The following MOB1B variants were observed in gnomAD, a reference collection of about 807,000 sequenced individuals.
MOB1B encodes the protein MOB kinase activator 1B.
In MOB1B, 19 loss-of-function variants were observed where a neutral mutation model predicts 24.4. That is an observed-to-expected ratio of 0.78 (90% CI 0.54 to 1.14). MOB1B has a LOEUF of 1.14. MOB1B is among the 50% of genes most tolerant of loss of function. The pLI is 0.00. For synonymous variants in MOB1B, 76 were observed against 82.1 expected (o/e 0.93, Z 0.40); for missense variants, 243 against 259.6 (o/e 0.94, Z 0.44).
At chr4:70,927,911 T>C (rs1736717310) in intron 1 of MOB1B, among the ~76,000 whole-genome samples, 1 of 152,212 alleles carries the variant, frequency 6.6e-6, no homozygotes, top group Non-Finnish European at 1.5e-5. Context: ...CTTCCTGCTC[T>C]AACATCCCTC....
chr4:70,960,363 AAAAT>A (rs1369157993), intron 2 of MOB1B, among the ~76,000 whole-genome samples: 1 of 152,222 alleles, frequency 6.6e-6, no homozygotes, highest in Non-Finnish European at 1.5e-5. Flanking sequence ...ATTAGTGAAA[AAAAT>A]AGTAATAATA....
intron 5 of MOB1B, among the ~76,000 whole-genome samples, chr4:70,981,506 CCATAT>C (rs1739209736): frequency 6.6e-6 from 1 of 152,174 alleles, no homozygotes; most frequent in South Asian, 2.1e-4. Context: ...TATTTTCCTA[CCATAT>C]CTTTTGATAG....
chr4:70,910,697 A>C (rs1344419582), intron 1 of MOB1B, among the ~76,000 whole-genome samples: 1 of 152,074 alleles, frequency 6.6e-6, no homozygotes, highest in African/African-American at 2.4e-5. Flanking sequence ...AAATCACAAA[A>C]TCATGTTAGG....
intron 1 of MOB1B, among the ~76,000 whole-genome samples, chr4:70,939,514 C>T (rs1428206285): frequency 2.6e-5 from 4 of 152,282 alleles, no homozygotes; most frequent in Middle Eastern, 3.4e-3. Context: ...AAAACCCCAT[C>T]TCTACTAAAA....
chr4:70,919,805 CTG>C (rs1268417154), intron 1 of MOB1B, among the ~76,000 whole-genome samples: 1 of 152,258 alleles, frequency 6.6e-6, no homozygotes, highest in African/African-American at 2.4e-5. Context: ...AGCTGTAAAA[CTG>C]TTTCTAGTAG....
intron 1 of MOB1B, among the ~76,000 whole-genome samples, chr4:70,905,428 C>T (rs1052586789): frequency 3.3e-5 from 5 of 149,296 alleles, no homozygotes; most frequent in African/African-American, 4.9e-5. Flanking sequence ...TTTTTTTTTT[C>T]GGTAGAGTCA....
chr4:70,964,544 A>G (rs1738435771), intron 2 of MOB1B, among the ~76,000 whole-genome samples: 1 of 152,218 alleles, frequency 6.6e-6, no homozygotes, highest in Non-Finnish European at 1.5e-5. Context: ...ATAAATACAT[A>G]TATTATAAAA....
chr4:70,955,350 C>T (rs1415885509), intron 1 of MOB1B, among the ~76,000 whole-genome samples: 1 of 151,998 alleles, frequency 6.6e-6, no homozygotes, highest in Non-Finnish European at 1.5e-5. Flanking sequence ...ATATACTTAA[C>T]ACTTTGTCTG....
At chr4:70,976,204 A>G (rs564998681) in intron 4 of MOB1B, 1 of 984,884 alleles carries the variant, frequency 1.0e-6, no homozygotes. Context: ...TGATGAGATC[A>G]GTATATCTAG....
intron 1 of MOB1B, among the ~76,000 whole-genome samples, chr4:70,923,917 A>G (rs1736542903): frequency 7.0e-6 from 1 of 143,842 alleles, no homozygotes; most frequent in Admixed American, 7.2e-5. Flanking sequence ...ACTGCACTCC[A>G]GCCTGGGCAA....
chr4:70,907,854 C>T (rs953468936), intron 1 of MOB1B, among the ~76,000 whole-genome samples: 3 of 151,930 alleles, frequency 2.0e-5, no homozygotes, highest in East Asian at 3.9e-4. Flanking sequence ...CTGTGTTGCC[C>T]GGGCTGTCCT....
chr4:70,953,063 C>T (rs769028266), intron 1 of MOB1B, among the ~76,000 whole-genome samples: 2 of 151,442 alleles, frequency 1.3e-5, no homozygotes, highest in East Asian at 2.0e-4. Context: ...CTGCCTCAGC[C>T]GAGTAGCTGG....
chr4:70,942,804 T>C lies in MOB1B; in HGVS notation c.15-16070T>C, dbSNP rs1264772842. On this transcript the variant is annotated intron_variant, in intron 1 of 5. Coordinates refer to ENST00000309395, the MANE Select transcript of MOB1B (RefSeq NM_173468.4). Reference sequence around the variant, plus strand: ...TCCCTGAATTCCTGTATGCAAAATATTGTGTTTTTTGTCTGTAGAGAGAAG... The same window carrying C: ...TCCCTGAATTCCTGTATGCAAAATACTGTGTTTTTTGTCTGTAGAGAGAAG... The C allele has an allele frequency of 1.4e-5, 13 of 911,060 alleles. No homozygotes were observed. In the South Asian group the frequency reaches 5.1e-4, roughly 35 times the overall value. The allele number at this position is 911,060 out of a possible 1,614,324, so 56.4% of individuals were successfully genotyped here. A position where few individuals can be genotyped will look rare whatever the true frequency, so the allele number is the denominator to read the frequency against.
At position 70,916,594 on chromosome 4, in the gene MOB1B, G is replaced by C. The variant is rs531371455; in HGVS notation, c.14+14044G>C. Reference sequence around the variant, plus strand: ...AATATCTTTTTTTTTTTGAGACAGAGTCTTGCTATCTTGCCCAGGCTAGAG... The same window carrying C: ...AATATCTTTTTTTTTTTGAGACAGACTCTTGCTATCTTGCCCAGGCTAGAG... On this transcript the variant is annotated intron_variant, in intron 1 of 5. Coordinates refer to ENST00000309395, the MANE Select transcript of MOB1B (RefSeq NM_173468.4). Among the ~76,000 whole-genome samples the C allele has an allele frequency of 4.5e-4, 69 of 151,882 alleles. 1 individual carries two copies. Among genetic ancestry groups the C allele is most frequent in the African/African-American group, 1.6e-3 (68 of 41,422 alleles).
chr4:70,935,088 G>A (rs1737028887), intron 1 of MOB1B, among the ~76,000 whole-genome samples: 1 of 151,998 alleles, frequency 6.6e-6, no homozygotes, highest in Non-Finnish European at 1.5e-5. Flanking sequence ...CAGTATGCCC[G>A]ACTAATGTTT....
intron 1 of MOB1B, 118 bp downstream of exon 1, chr4:70,902,668 C>A: frequency 1.0e-6 from 1 of 961,502 alleles, no homozygotes; most frequent in Non-Finnish European, 1.4e-6. Flanking sequence ...GCTCCCGGGG[C>A]CCGGCGTCAC....
chr4:70,986,502 C>G lies in MOB1B; in HGVS notation c.*4445C>G, dbSNP rs910295445. Reference sequence around the variant, plus strand: ...TATAATTTGGAAATGTGACTGCATACCAATAAGAAAACTTACCTTATTTTG... The same window carrying G: ...TATAATTTGGAAATGTGACTGCATAGCAATAAGAAAACTTACCTTATTTTG... On this transcript the variant is annotated 3_prime_UTR_variant, in exon 6 of 6. Transcript: ENST00000309395. The G allele has an allele frequency of 6.6e-6, 1 of 151,818 alleles. No individual in the cohort carries two copies. The highest frequency in any genetic ancestry group is 1.5e-5 in the Non-Finnish European group (1 of 67,918). 9.4% of individuals were successfully genotyped at this position (151,818 alleles called of 1,614,324 possible). A position where few individuals can be genotyped will look rare whatever the true frequency, so the allele number is the denominator to read the frequency against.
rs555930354 is a variant in MOB1B at position 70,948,823 on chromosome 4, G to GT, written c.15-10050dup. 9.2e-5 allele frequency among the ~76,000 whole-genome samples: 14 copies of GT among 152,278 alleles called. No individual in the cohort carries two copies. In the South Asian group the frequency reaches 2.7e-3, roughly 29 times the overall value. The stretch of plus-strand genomic sequence containing the variant: ...CTGCCTAATGTATAGAGGTATGCCA[G>GT]TAAGTTCTCTTTTGACTGCCAAGTT... On this transcript the variant is annotated intron_variant, in intron 1 of 5. Coordinates refer to ENST00000309395, the MANE Select transcript of MOB1B (RefSeq NM_173468.4).
intron 4 of MOB1B, among the ~76,000 whole-genome samples, chr4:70,978,899 A>G (rs895422833): frequency 1.3e-5 from 2 of 152,180 alleles, no homozygotes; most frequent in Non-Finnish European, 2.9e-5. Flanking sequence ...TGTTAGAGAC[A>G]TAACAGGCTG....
Sources: gnomAD v4.1 joint callset for allele counts (sites outside exome capture counted in the v4.1 genomes callset) on GRCh38, gnomAD v4.1.1 for gene constraint, MANE v1.5 for transcripts, NCBI Gene and HGNC (gene_info 2026-07-23, HGNC 2026-07-21) for gene names.